The following PGAP1 variants were observed in gnomAD, a reference collection of about 807,000 sequenced individuals.
The protein encoded by PGAP1 is post-GPI attachment to proteins inositol deacylase 1.
Under a neutral mutation model 127.0 loss-of-function variants are expected in PGAP1, and 76 were observed. The observed-to-expected ratio is 0.60, with a 90% CI of 0.50 to 0.72. The LOEUF (loss-of-function observed/expected upper bound fraction) is 0.72, where lower values mean the gene tolerates loss of function less well. Ranked by LOEUF, PGAP1 falls within the 30% of genes least tolerant of loss-of-function variation. PGAP1 has a pLI of 0.00. For synonymous variants in PGAP1, 362 were observed against 366.5 expected (o/e 0.99, Z 0.14); for missense variants, 982 against 1,071.3 (o/e 0.92, Z 1.16).
rs1350184006 is a variant in PGAP1 at position 196,841,249 on chromosome 2, T to C, written c.2754A>G (p.Leu918=). The change falls in exon 27 of 27, where the codon TTA becomes TTG. Residue 918 remains leucine (L), a synonymous_variant. Coordinates refer to ENST00000354764, the MANE Select transcript of PGAP1 (RefSeq NM_024989.4). ...AAGTCCAATCTTACATAAAGTTGCATAATGCATGGAGTAAAAGAGGAATGA... is the reference window on the plus strand; with the variant it reads ...AAGTCCAATCTTACATAAAGTTGCACAATGCATGGAGTAAAAGAGGAATGA... The part of the protein sequence containing the change: ...FVFIPLLLHA[L]CNFM 11 of 1,612,598 alleles carry C rather than the reference T, an allele frequency of 6.8e-6. No individual in the cohort carries two copies. Among genetic ancestry groups the C allele is most frequent in the Non-Finnish European group, 9.3e-6 (11 of 1,179,552 alleles).
rs1700335836 is a variant in PGAP1 at position 196,839,280 on chromosome 2, A to T, written c.*1954T>A. 6.6e-6 allele frequency: 1 copy of T among 152,576 alleles called. No homozygotes were observed. Among genetic ancestry groups the T allele is most frequent in the African/African-American group, 2.4e-5 (1 of 41,464 alleles). The allele number at this position is 152,576 out of a possible 1,614,324, so 9.5% of individuals were successfully genotyped here. ...GGACACATGTAATCTGTAACTTGAG[A>T]TACACTAAAATATCAGGTGACAGAA... On this transcript the variant is annotated 3_prime_UTR_variant, in exon 27 of 27. Coordinates refer to ENST00000354764, the MANE Select transcript of PGAP1 (RefSeq NM_024989.4).
In PGAP1 at chr2:196,873,666, T is replaced by C. The variant is rs1484055610; in HGVS notation, c.1500+19A>G. 1.9e-6 allele frequency: 3 copies of C among 1,601,990 alleles called. No homozygotes were observed. The highest frequency in any genetic ancestry group is 2.2e-5 in the East Asian group (1 of 44,654). ...TAAAGTAAAATCAAATCCTTTTTCT[T>C]GTAGTCAGGATTAATTACCTGTCCA... On this transcript the variant is annotated intron_variant, in intron 15 of 26. Transcript: ENST00000354764.
intron 3 of PGAP1, among the ~76,000 whole-genome samples, chr2:196,914,392 AGGTG>A (rs1259660012): frequency 7.2e-5 from 11 of 152,122 alleles, no homozygotes; most frequent in Non-Finnish European, 2.9e-5. Context: ...AGGCCAAGGT[AGGTG>A]GATCACTTCA....
intron 21 of PGAP1, chr2:196,847,417 C>T: frequency 2.6e-6 from 1 of 384,846 alleles, no homozygotes; most frequent in Non-Finnish European, 4.6e-6. Context: ...TTCAGTATAG[C>T]TTTACTAATC....
Position 196,847,949 on chromosome 2 carries a change from C to T in PGAP1, c.1950G>A (p.Leu650=). ...DPFVIIIKFL[L]GYKWFKELWD... is the part of the protein sequence containing the mutation. ...TTATCACAGATAATAAAACTTACCC[C>T]AACAGAAACTTAATGATAATTACAA... Residue 650 remains leucine (L), a splice_region_variant and synonymous_variant, in exon 21 of 27, where the codon TTG becomes TTA. Transcript: ENST00000354764. 1.3e-6 allele frequency: 2 copies of T among 1,568,290 alleles called. No homozygotes were observed. Among genetic ancestry groups the T allele is most frequent in the Non-Finnish European group, 1.7e-6 (2 of 1,158,286 alleles).
At chr2:196,885,367 G>A (rs1362211425) in intron 12 of PGAP1, 57 bp downstream of exon 12, 4 of 1,173,780 alleles carry the variant, frequency 3.4e-6, no homozygotes, top group African/African-American at 1.5e-5. Context: ...TTTAAAATGT[G>A]TATAGACTCA....
chr2:196,836,006 G>A lies in PGAP1; in HGVS notation c.*5228C>T, dbSNP rs1700226610. The A allele has an allele frequency of 6.6e-6, 1 of 151,962 alleles. No individual in the cohort carries two copies. Among genetic ancestry groups the A allele is most frequent in the Admixed American group, 6.6e-5 (1 of 15,266 alleles). The allele number at this position is 151,962 out of a possible 1,614,324, so 9.4% of individuals were successfully genotyped here. A position where few individuals can be genotyped will look rare whatever the true frequency, so the allele number is the denominator to read the frequency against. On this transcript the variant is annotated 3_prime_UTR_variant, in exon 27 of 27. Transcript: ENST00000354764. ...AAAATGACATTAAAAAATAGCATAT[G>A]AACTTTACAAAAATGGCTACTTTTA...
intron 20 of PGAP1, among the ~76,000 whole-genome samples, chr2:196,859,363 G>A (rs921544802): frequency 2.0e-5 from 3 of 151,992 alleles, no homozygotes; most frequent in South Asian, 2.1e-4. Flanking sequence ...TGAGGTTGAA[G>A]CAGTAATAAA....
chr2:196,882,249 C>A (rs62185184), intron 12 of PGAP1, among the ~76,000 whole-genome samples: 1 of 152,098 alleles, frequency 6.6e-6, no homozygotes, highest in Non-Finnish European at 1.5e-5. Flanking sequence ...TTGGTTACTG[C>A]AGCCCTGCAG....
At chr2:196,851,033 AG>A (rs1700702182) in intron 20 of PGAP1, among the ~76,000 whole-genome samples, 1 of 152,158 alleles carries the variant, frequency 6.6e-6, no homozygotes, top group Admixed American at 6.6e-5. Context: ...AGTATAAAAA[AG>A]TTTTATTTGA....
chr2:196,880,766 T>C (rs1203035647), intron 12 of PGAP1, among the ~76,000 whole-genome samples: 1 of 152,178 alleles, frequency 6.6e-6, no homozygotes, highest in African/African-American at 2.4e-5. Context: ...TTAAGACCAG[T>C]CCTATAGTCC....
chr2:196,859,665 C>A (rs913030183), intron 20 of PGAP1, among the ~76,000 whole-genome samples: 2 of 152,066 alleles, frequency 1.3e-5, no homozygotes, highest in African/African-American at 4.8e-5. Context: ...ATATCATTCA[C>A]CACGATGAAG....
chr2:196,854,797 A>G (rs1169986773), intron 20 of PGAP1, among the ~76,000 whole-genome samples: 1 of 152,084 alleles, frequency 6.6e-6, no homozygotes, highest in Non-Finnish European at 1.5e-5. Flanking sequence ...TCTCCTTTGA[A>G]GACAGGGTCT....
intron 20 of PGAP1, among the ~76,000 whole-genome samples, chr2:196,861,283 G>A (rs1335198874): frequency 1.3e-5 from 2 of 152,000 alleles, no homozygotes; most frequent in East Asian, 3.9e-4. Context: ...AAATTTTTTG[G>A]GTAAGACCTC....
At chr2:196,881,392 G>C (rs555278084) in intron 12 of PGAP1, among the ~76,000 whole-genome samples, 1 of 152,146 alleles carries the variant, frequency 6.6e-6, no homozygotes, top group African/African-American at 2.4e-5. Flanking sequence ...CCAGTAATGG[G>C]ATTACTAGGT....
chr2:196,882,227 T>C (rs1047329594), intron 12 of PGAP1, among the ~76,000 whole-genome samples: 2 of 152,230 alleles, frequency 1.3e-5, no homozygotes, highest in African/African-American at 4.8e-5. Context: ...TTTGTACCAG[T>C]ACCATGCTGT....
At chr2:196,854,179 G>T (rs1315722761) in intron 20 of PGAP1, among the ~76,000 whole-genome samples, 1 of 151,968 alleles carries the variant, frequency 6.6e-6, no homozygotes, top group African/African-American at 2.4e-5. Context: ...GAACAGGCAT[G>T]AGCCACCACA....
At position 196,835,791 on chromosome 2, in the gene PGAP1, A is replaced by G. The variant is rs1226327253; in HGVS notation, c.*5443T>C. The G allele has an allele frequency of 6.6e-6, 1 of 152,464 alleles. No individual in the cohort carries two copies. Among genetic ancestry groups the G allele is most frequent in the Non-Finnish European group, 1.5e-5 (1 of 67,884 alleles). The allele number at this position is 152,464 out of a possible 1,614,324, so 9.4% of individuals were successfully genotyped here. On this transcript the variant is annotated 3_prime_UTR_variant, in exon 27 of 27. Transcript: ENST00000354764. Reference sequence around the variant, plus strand: ...GTTTCCAATGCACAGCTTTATGCTAAAGAGAATTCAAATGTGTCTCTTTTT... The same window carrying G: ...GTTTCCAATGCACAGCTTTATGCTAGAGAGAATTCAAATGTGTCTCTTTTT...
intron 2 of PGAP1, among the ~76,000 whole-genome samples, chr2:196,917,394 T>C (rs1703050220): frequency 6.6e-6 from 1 of 152,224 alleles, no homozygotes; most frequent in Non-Finnish European, 1.5e-5. Flanking sequence ...TGGTTTTTAG[T>C]ATATTCACCA....
Sources: allele counts gnomAD v4.1 joint callset (sites outside exome capture counted in the v4.1 genomes callset), GRCh38; gene constraint gnomAD v4.1.1; transcripts MANE v1.5; gene names NCBI Gene and HGNC (gene_info 2026-07-23, HGNC 2026-07-21).